The following MAN2B1 variants were observed in gnomAD, a reference collection of about 807,000 sequenced individuals.
The protein encoded by MAN2B1 is mannosidase alpha class 2B member 1, also known as lysosomal alpha-mannosidase.
In MAN2B1, 99 loss-of-function variants were observed where a neutral mutation model predicts 127.5. The observed-to-expected ratio is 0.78, with a 90% CI of 0.66 to 0.92. The LOEUF is 0.92. Among genes scored for constraint, MAN2B1 ranks in the 40% least tolerant of loss-of-function variants. MAN2B1 has a pLI of 0.00. For synonymous variants in MAN2B1, 573 were observed against 568.8 expected, an observed-to-expected ratio of 1.01 and a Z score of -0.11; for missense variants, 1,304 against 1,384.8, an observed-to-expected ratio of 0.94 and a Z score of 0.93.
At chr19:12,650,723 T>A (rs2023825812) in intron 16 of MAN2B1, among the ~76,000 whole-genome samples, 1 of 149,606 alleles carries the variant, frequency 6.7e-6, no homozygotes, top group Non-Finnish European at 1.5e-5. Flanking sequence ...CAGGATGGAG[T>A]GCAGTGGCAC....
Position 12,658,463 on chromosome 19 carries a change from A to C in MAN2B1, c.1074T>G (p.Cys358Trp). Reference sequence around the variant, plus strand: ...TGGCCTTGTTCAGCTCCCAGAGGTAACAAGCGGGGGTGGAGTAGAGAACAT... The same window carrying C: ...TGGCCTTGTTCAGCTCCCAGAGGTACCAAGCGGGGGTGGAGTAGAGAACAT... ...SVHVLYSTPA[C>W]YLWELNKANL... Residue 358 changes from cysteine to tryptophan, a missense_variant, in exon 8 of 24, where the codon TGT (cysteine) becomes TGG (tryptophan). Coordinates refer to ENST00000456935, the MANE Select transcript of MAN2B1 (RefSeq NM_000528.4). 6.2e-7 allele frequency: 1 copy of C among 1,614,202 alleles called. No homozygotes were observed. Among genetic ancestry groups the C allele is most frequent in the Non-Finnish European group, 8.5e-7 (1 of 1,180,038 alleles).
intron 11 of MAN2B1, 163 bp downstream of exon 11, chr19:12,657,283 G>A (rs2023988251): frequency 1.7e-6 from 1 of 583,968 alleles, no homozygotes; most frequent in Non-Finnish European, 2.9e-6. Context: ...CCCCGTTCCT[G>A]TATCTTTCCC....
At chr19:12,650,518 C>T (rs1057082058) in intron 16 of MAN2B1, among the ~76,000 whole-genome samples, 2 of 150,150 alleles carry the variant, frequency 1.3e-5, no homozygotes, top group African/African-American at 2.5e-5. Context: ...GCCACCACAC[C>T]CGGCTAATTT....
intron 7 of MAN2B1, among the ~76,000 whole-genome samples, chr19:12,659,686 G>A (rs1439229645): frequency 6.6e-6 from 1 of 152,110 alleles, no homozygotes; most frequent in Non-Finnish European, 1.5e-5. Flanking sequence ...AGGGTTGGTG[G>A]CACATGCCTG....
chr19:12,657,901 G>A (rs549135778), intron 10 of MAN2B1, 162 bp downstream of exon 10: 2 of 693,622 alleles, frequency 2.9e-6, no homozygotes, highest in South Asian at 3.6e-5. Context: ...CTTGCAGTGA[G>A]CCGAGATCGC....
chr19:12,658,640 G>A, intron 7 of MAN2B1, 130 bp from the exon 8 acceptor site: 1 of 839,818 alleles, frequency 1.2e-6, no homozygotes, highest in Non-Finnish European at 2.0e-6. Flanking sequence ...TGGCGTGCAA[G>A]CCAATGGTTG....
chr19:12,657,816 G>A (rs2024004955), intron 10 of MAN2B1: 1 of 608,620 alleles, frequency 1.6e-6, no homozygotes, highest in Non-Finnish European at 2.9e-6. Context: ...TTAGCCGGGC[G>A]TGGTGGTGGG....
At chr19:12,650,973 CTTTT>C (rs60721799) in intron 16 of MAN2B1, among the ~76,000 whole-genome samples, 4 of 130,262 alleles carry the variant, frequency 3.1e-5, no homozygotes, top group Admixed American at 7.8e-5. Context: ...CACCCGGCCT[CTTTT>C]TTTTTTTTTT....
At chr19:12,654,223 T>C (rs2023909822) in intron 14 of MAN2B1, among the ~76,000 whole-genome samples, 2 of 152,012 alleles carry the variant, frequency 1.3e-5, no homozygotes, top group African/African-American at 4.8e-5. Context: ...TTTTGTATTT[T>C]TGTAGAGTCA....
intron 16 of MAN2B1, 95 bp from the exon 17 acceptor site, chr19:12,650,317 G>A (rs2023812608): frequency 1.3e-6 from 1 of 798,120 alleles, no homozygotes; most frequent in Admixed American, 1.7e-5. Flanking sequence ...CCCCATTAAG[G>A]CCTACATCAA....
At chr19:12,653,869 C>T (rs1434836599) in intron 14 of MAN2B1, among the ~76,000 whole-genome samples, 2 of 151,846 alleles carry the variant, frequency 1.3e-5, no homozygotes, top group Non-Finnish European at 2.9e-5. Context: ...CAAGTGTGTA[C>T]CACCACGCCC....
At chr19:12,656,050 A>C in intron 13 of MAN2B1, 171 bp from the exon 14 acceptor site, 1 of 583,630 alleles carries the variant, frequency 1.7e-6, no homozygotes, top group South Asian at 2.1e-5. Context: ...GAGAAGATTC[A>C]CCAGGTGGAA....
rs2145259880 is a variant in MAN2B1 at position 12,658,070 on chromosome 19, T to G, written c.1302A>C (p.Ala434=). 5.0e-6 allele frequency: 8 copies of G among 1,607,622 alleles called. No individual in the cohort carries two copies. Among genetic ancestry groups the G allele is most frequent in the Non-Finnish European group, 6.8e-6 (8 of 1,178,976 alleles). Reference sequence around the variant, plus strand: ...CTTGGGCCCGACACTTACTGAGGGGTGCACTGTCTCCGGAGCCATAGGGTC... The same window carrying G: ...CTTGGGCCCGACACTTACTGAGGGGGGCACTGTCTCCGGAGCCATAGGGTC... ...NVGPYGSGDS[A]PLNEAMAVLQ... is the part of the protein sequence containing the mutation. Residue 434 remains alanine (A), a synonymous_variant, in exon 10 of 24, where the codon GCA becomes GCC. Coordinates refer to ENST00000456935, the MANE Select transcript of MAN2B1 (RefSeq NM_000528.4).
At chr19:12,654,957 T>C (rs1452210868) in intron 14 of MAN2B1, among the ~76,000 whole-genome samples, 1 of 152,192 alleles carries the variant, frequency 6.6e-6, no homozygotes. Flanking sequence ...TAATCCACGA[T>C]GCCTGGCCTA....
Position 12,652,385 on chromosome 19 carries a change from G to A in MAN2B1, c.1906C>T (p.Pro636Ser), listed in dbSNP as rs141276889. 112 of 1,614,084 alleles carry A rather than the reference G, an allele frequency of 6.9e-5. 2 individuals carry two copies. In the African/African-American group the frequency reaches 1.0e-3, roughly 14 times the overall value. The change falls in exon 15 of 24, where the codon CCT becomes TCT. Residue 636 changes from proline (P) to serine (S), a missense_variant. By Grantham distance (74) the Pro-to-Ser change is moderately conservative (BLOSUM62 -1). Transcript: ENST00000456935. ...TACCAGAAGAAGGTCTGGCGAACAG[G>A]CAGCAGGAGTTGCTGATTCATGTTC... is the stretch of plus-strand genomic sequence containing the variant. ...IMNMNQQLLL[P>S]VRQTFFWYNA... is the part of the protein sequence containing the mutation.
chr19:12,664,904 G>A lies in MAN2B1; in HGVS notation c.518C>T (p.Thr173Ile). The A allele has an allele frequency of 6.2e-7, 1 of 1,614,202 alleles. No individual in the cohort carries two copies. The highest frequency in any genetic ancestry group is 1.1e-5 in the South Asian group (1 of 91,080). Residue 173 changes from threonine (T) to isoleucine (I), a missense_variant, in exon 4 of 24, where the codon ACA (threonine) becomes ATA (isoleucine). Thr to Ile is a moderately conservative substitution (Grantham distance 89). Coordinates refer to ENST00000456935, the MANE Select transcript of MAN2B1 (RefSeq NM_000528.4). ...GTCCTCCAGAAAGCGCAGCCCAAGT[G>A]TCATCTGGTCCACGATGGCACCGTA... is the stretch of plus-strand genomic sequence containing the variant. The part of the protein sequence containing the change: ...THYGAIVDQM[T>I]LGLRFLEDTF...
Position 12,652,254 on chromosome 19 carries a change from C to T in MAN2B1, c.1945G>A (p.Gly649Ser). ...GAGGCCTGGTCACTTTCGTTGTCAC[C>T]TATACTGGCGTTGTACCTGGAGTTG... ...QTFFWYNASI[G>S]DNESDQASGA... The change falls in exon 16 of 24, where the codon GGT becomes AGT. Residue 649 changes from glycine to serine, a missense_variant. Gly to Ser is a moderately conservative substitution (Grantham distance 56, BLOSUM62 0). Transcript: ENST00000456935. 1.2e-6 allele frequency: 2 copies of T among 1,614,140 alleles called. No homozygotes were observed. The highest frequency in any genetic ancestry group is 2.2e-5 in the South Asian group (2 of 91,086).
intron 7 of MAN2B1, among the ~76,000 whole-genome samples, chr19:12,659,545 C>T (rs981823260): frequency 3.3e-5 from 5 of 151,428 alleles, no homozygotes; most frequent in Admixed American, 1.3e-4. Flanking sequence ...TCAAGTGATC[C>T]GCCCACCTCA....
At chr19:12,648,507 G>T in intron 20 of MAN2B1, 105 bp from the exon 21 acceptor site, 1 of 839,798 alleles carries the variant, frequency 1.2e-6, no homozygotes, top group Middle Eastern at 2.2e-4. Context: ...AAATTAAAGG[G>T]TGGGAGGAAC....
Sources: allele counts gnomAD v4.1 joint callset (sites outside exome capture counted in the v4.1 genomes callset), GRCh38; gene constraint gnomAD v4.1.1; transcripts MANE v1.5; gene names NCBI Gene and HGNC (gene_info 2026-07-23, HGNC 2026-07-21).